The following NHS variants were observed in gnomAD, a reference collection of about 807,000 sequenced individuals.
The protein encoded by NHS is actin remodeling regulator NHS.
Under a neutral mutation model 72.5 loss-of-function variants are expected in NHS, and 5 were observed. That is an observed-to-expected ratio of 0.07 (90% CI 0.04 to 0.14). The LOEUF (loss-of-function observed/expected upper bound fraction) is 0.14. Ranked by LOEUF, NHS falls within the 10% of genes least tolerant of loss-of-function variation. The pLI is 1.00. For missense variants in NHS, 1,072 were observed against 1,355.7 expected, an observed-to-expected ratio of 0.79 and a Z score of 3.29; for synonymous variants, 464 against 547.7, an observed-to-expected ratio of 0.85 and a Z score of 2.13.
At chrX:17,723,770 T>TGTGTGTGTGTGTGTGCGTGTGCGC (rs541219770) in intron 5 of NHS, among the ~76,000 whole-genome samples, 2 of 91,335 alleles carry the variant, frequency 2.2e-5, no homozygotes, top group African/African-American at 1.0e-4. Flanking sequence ...TGTGTGTGTG[T>TGTGTGTGTGTGTGTGCGTGTGCGC]GCGCGCGCGT....
intron 1 of NHS, among the ~76,000 whole-genome samples, chrX:17,500,036 C>T (rs764008315): frequency 2.7e-5 from 3 of 112,367 alleles, no homozygotes; most frequent in Non-Finnish European, 3.8e-5. Context: ...TTTAATAATG[C>T]GTCTTTCTTC....
intron 1 of NHS, among the ~76,000 whole-genome samples, chrX:17,382,940 G>A (rs1370064689): frequency 8.9e-6 from 1 of 112,126 alleles, no homozygotes; most frequent in Non-Finnish European, 1.9e-5. Flanking sequence ...CTCAGAAGCA[G>A]CACTCAACCA....
intron 1 of NHS, among the ~76,000 whole-genome samples, chrX:17,404,191 C>T (rs2146854172): frequency 9.0e-6 from 1 of 111,716 alleles, no homozygotes; most frequent in South Asian, 3.8e-4. Context: ...TGTCGTAATT[C>T]CCTCTGGGCT....
chrX:17,484,228 C>T (rs1470421291), intron 1 of NHS, among the ~76,000 whole-genome samples: 1 of 112,593 alleles, frequency 8.9e-6, no homozygotes, highest in African/African-American at 3.2e-5. Flanking sequence ...TCCCAGTCCT[C>T]ACTCCTCCAA....
At chrX:17,527,636 A>G (rs2065179362) in intron 1 of NHS, among the ~76,000 whole-genome samples, 2 of 112,434 alleles carry the variant, frequency 1.8e-5, no homozygotes, top group Admixed American at 1.9e-4. Flanking sequence ...AGAAGCAGAC[A>G]CAATAGAGGG....
chrX:17,484,987 A>C (rs2146912542), intron 1 of NHS, among the ~76,000 whole-genome samples: 1 of 111,928 alleles, frequency 8.9e-6, no homozygotes, highest in South Asian at 3.8e-4. Flanking sequence ...TTTCCCAATA[A>C]GTGGTGTGAG....
intron 1 of NHS, among the ~76,000 whole-genome samples, chrX:17,429,395 G>A (rs932575384): frequency 1.8e-5 from 2 of 111,736 alleles, no homozygotes; most frequent in Non-Finnish European, 3.8e-5. Context: ...GGTGTCTGAG[G>A]ACCCTTGCTG....
intron 1 of NHS, among the ~76,000 whole-genome samples, chrX:17,401,314 T>G (rs1459860290): frequency 8.9e-6 from 1 of 111,985 alleles, no homozygotes; most frequent in Non-Finnish European, 1.9e-5. Flanking sequence ...CTTTATGACC[T>G]TGGATAGGGC....
chrX:17,613,677 G>GT (rs1308247856), intron 1 of NHS, among the ~76,000 whole-genome samples: 2 of 111,531 alleles, frequency 1.8e-5, no homozygotes, highest in Non-Finnish European at 3.8e-5. Flanking sequence ...TTCTGTTCTT[G>GT]TAACTTCTCA....
intron 1 of NHS, among the ~76,000 whole-genome samples, chrX:17,555,232 T>A (rs1442171721): frequency 3.7e-5 from 4 of 108,995 alleles, no homozygotes; most frequent in East Asian, 2.9e-4. Context: ...CGGGTTATTT[T>A]TTTTTTTTTT....
intron 1 of NHS, among the ~76,000 whole-genome samples, chrX:17,660,911 A>G (rs1047944390): frequency 5.3e-5 from 6 of 112,745 alleles, no homozygotes; most frequent in Non-Finnish European, 9.4e-5. Context: ...GAGGATTCCC[A>G]AAGATCTCAG....
intron 1 of NHS, among the ~76,000 whole-genome samples, chrX:17,394,345 A>G (rs183801413): frequency 7.1e-4 from 80 of 112,097 alleles, no homozygotes; most frequent in Non-Finnish European, 1.2e-3. Context: ...AGACCTTACT[A>G]TAAGTGCTTC....
In NHS at chrX:17,688,758, C is replaced by A. The variant is rs774890491; in HGVS notation, c.718+864C>A. On this transcript the variant is annotated intron_variant, in intron 2 of 8. Coordinates refer to ENST00000676302, the MANE Select transcript of NHS (RefSeq NM_001291867.2). ...GGTACTGATGTTTACATGTCTCTCACAGTCCTGAGAAAGCTAGAGATAGGC... is the reference window on the plus strand; with the variant it reads ...GGTACTGATGTTTACATGTCTCTCAAAGTCCTGAGAAAGCTAGAGATAGGC... 2.4e-4 allele frequency among the ~76,000 whole-genome samples: 27 copies of A among 112,230 alleles called. 1 individual carries two copies. The highest frequency in any genetic ancestry group is 4.2e-4 in the African/African-American group (13 of 30,806).
At chrX:17,445,984 G>A (rs948951266) in intron 1 of NHS, among the ~76,000 whole-genome samples, 2 of 110,590 alleles carry the variant, frequency 1.8e-5, no homozygotes, top group Non-Finnish European at 3.8e-5. Context: ...TTTAATATCT[G>A]TTTTTCCTCT....
At chrX:17,503,119 G>A (rs905974387) in intron 1 of NHS, among the ~76,000 whole-genome samples, 1 of 112,081 alleles carries the variant, frequency 8.9e-6, no homozygotes, top group Non-Finnish European at 1.9e-5. Context: ...TTGCCTTCCT[G>A]GCCCTTATAA....
intron 1 of NHS, among the ~76,000 whole-genome samples, chrX:17,567,158 C>A (rs974881434): frequency 8.9e-6 from 1 of 112,105 alleles, no homozygotes; most frequent in African/African-American, 3.2e-5. Flanking sequence ...TTACAGAAAC[C>A]GTAAAAGATA....
At chrX:17,438,951 G>A (rs755578465) in intron 1 of NHS, among the ~76,000 whole-genome samples, 6 of 109,918 alleles carry the variant, frequency 5.5e-5, no homozygotes, top group Non-Finnish European at 9.5e-5. Flanking sequence ...GGGGAAGCAC[G>A]TTGTCTGGAG....
chrX:17,673,177 A>AACACACACACACAC (rs56271300), intron 1 of NHS, among the ~76,000 whole-genome samples: 16 of 65,520 alleles, frequency 2.4e-4, no homozygotes, highest in African/African-American at 6.8e-4. Context: ...TGGAAGATGA[A>AACACACACACACAC]ACACACACAC....
At chrX:17,443,050 G>A (rs1167013176) in intron 1 of NHS, among the ~76,000 whole-genome samples, 2 of 111,933 alleles carry the variant, frequency 1.8e-5, no homozygotes, top group Non-Finnish European at 3.8e-5. Context: ...GGAACGCATA[G>A]GCCTCAGACC....
Sources: gnomAD v4.1 joint callset for allele counts (sites outside exome capture counted in the v4.1 genomes callset) on GRCh38, gnomAD v4.1.1 for gene constraint, MANE v1.5 for transcripts, NCBI Gene and HGNC (gene_info 2026-07-23, HGNC 2026-07-21) for gene names.